TASOR2: variants seen among roughly 807,000 people sequenced by gnomAD.
TASOR2 encodes the protein transcription activation suppressor family member 2.
Under a neutral mutation model 199.5 loss-of-function variants are expected in TASOR2, and 84 were observed. The observed-to-expected ratio is 0.42, with a 90% CI of 0.35 to 0.50. The LOEUF (loss-of-function observed/expected upper bound fraction) is 0.50, where lower values mean the gene tolerates loss of function less well. Ranked by LOEUF, TASOR2 falls within the 20% of genes least tolerant of loss-of-function variation. The pLI, the probability that TASOR2 is intolerant of heterozygous loss-of-function variation, is 0.02. For synonymous variants in TASOR2, 1,103 were observed against 1,046.6 expected (o/e 1.05, Z -1.04); for missense variants, 2,796 against 2,835.9 (o/e 0.99, Z 0.32).
chr10:5,718,121 A>G (rs1046142309), intron 3 of TASOR2, among the ~76,000 whole-genome samples: 1 of 152,146 alleles, frequency 6.6e-6, no homozygotes, highest in Non-Finnish European at 1.5e-5. Context: ...GGTCAATAGA[A>G]TCTTTATTTT....
chr10:5,756,821 A>C, intron 16 of TASOR2, 83 bp downstream of exon 17: 1 of 1,438,304 alleles, frequency 7.0e-7, no homozygotes, highest in East Asian at 2.4e-5. Flanking sequence ...CTCTTTTTTT[A>C]TGTAGAAGAG....
At chr10:5,757,921 G>A (rs967356524) in intron 17 of TASOR2, among the ~76,000 whole-genome samples, 5 of 151,962 alleles carry the variant, frequency 3.3e-5, no homozygotes, top group Admixed American at 1.3e-4. Flanking sequence ...TCTCGGTAGT[G>A]CAGCTAAGCT....
At chr10:5,746,069 C>G (rs1837148270) in intron 14 of TASOR2, 110 bp from the exon 16 acceptor site, 1 of 1,248,516 alleles carries the variant, frequency 8.0e-7, no homozygotes, top group South Asian at 1.9e-5. Flanking sequence ...GAAGAACATT[C>G]ACAAACTAAA....
At chr10:5,696,020 G>T (rs969544188) in intron 1 of TASOR2, among the ~76,000 whole-genome samples, 3 of 152,158 alleles carry the variant, frequency 2.0e-5, no homozygotes, top group Non-Finnish European at 4.4e-5. Context: ...CTTGACGGAA[G>T]ACTGAAGGTT....
At chr10:5,711,306 C>A (rs1288933362) in intron 1 of TASOR2, among the ~76,000 whole-genome samples, 2 of 152,034 alleles carry the variant, frequency 1.3e-5, no homozygotes, top group Non-Finnish European at 2.9e-5. Context: ...TGGTTACTTA[C>A]AAGTTAGTTT....
At position 5,739,555 on chromosome 10, in the gene TASOR2, A is replaced by G. The variant is rs1294441674; in HGVS notation, c.1448-63A>G. 3.1e-5 allele frequency: 45 copies of G among 1,454,942 alleles called. 1 individual carries two copies. Among genetic ancestry groups the G allele is most frequent in the South Asian group, 4.0e-5 (3 of 75,002 alleles). The allele number at this position is 1,454,942 out of a possible 1,614,324, so 90.1% of individuals were successfully genotyped here. A position where few individuals can be genotyped will look rare whatever the true frequency, so the allele number is the denominator to read the frequency against. On this transcript the variant is annotated intron_variant, in intron 12 of 20. Coordinates refer to ENST00000328090, the Ensembl canonical transcript of TASOR2. ...ATGTTGAATTAACCATCATAGTAAT[A>G]TGGCAGAGAGTTAATTCTATGACAA... is the stretch of plus-strand genomic sequence containing the variant.
chr10:5,749,126 TAAAG>T lies in TASOR2; in HGVS notation c.5712_5715del (p.Glu1905ArgfsTer25). On this transcript the variant is annotated frameshift_variant, in exon 15 of 21. Coordinates refer to ENST00000328090, the Ensembl canonical transcript of TASOR2. LOFTEE classifies it high-confidence loss of function. ...CCTCCCGGGCACTGGACTGCTGCGG[TAAAG>T]AAAGAAGAGAAGTGTGTGCCGCCTT... 6.2e-7 allele frequency: 1 copy of T among 1,613,570 alleles called. No individual in the cohort carries two copies. Among genetic ancestry groups the T allele is most frequent in the Non-Finnish European group, 8.5e-7 (1 of 1,179,924 alleles).
chr10:5,719,242 C>G lies in TASOR2; in HGVS notation c.-99-1302C>G, dbSNP rs2131567042. ...CCATTTTGATATAAGTTAATAACAT[C>G]TTGTGAACATTGTCTTATGTCATTG... is the stretch of plus-strand genomic sequence containing the variant. On this transcript the variant is annotated intron_variant, in intron 3 of 20. Coordinates refer to ENST00000328090, the Ensembl canonical transcript of TASOR2. The surrounding 1 kb of genome is among the most constrained non-coding windows in gnomAD (Gnocchi z 4.1). 6.6e-6 allele frequency among the ~76,000 whole-genome samples: 1 copy of G among 152,248 alleles called. No homozygotes were observed. Among genetic ancestry groups the G allele is most frequent in the African/African-American group, 2.4e-5 (1 of 41,544 alleles).
At chr10:5,708,560 TTTTCTTTC>T (rs202195166) in intron 1 of TASOR2, among the ~76,000 whole-genome samples, 1 of 150,320 alleles carries the variant, frequency 6.7e-6, no homozygotes, top group Admixed American at 6.6e-5. Context: ...CTTTCTTTCT[TTTTCTTTC>T]TTTCTCTCCT....
At chr10:5,726,843 T>G in intron 8 of TASOR2, 42 bp from the exon 10 acceptor site, 1 of 1,541,824 alleles carries the variant, frequency 6.5e-7, no homozygotes, top group Non-Finnish European at 9.0e-7. Context: ...AGAGAGGGAT[T>G]GCAGAATATT....
chr10:5,756,592 G>A, intron 15 of TASOR2, 21 bp from the exon 17 acceptor site: 1 of 1,601,950 alleles, frequency 6.2e-7, no homozygotes, highest in Admixed American at 1.7e-5. Flanking sequence ...TTTTAATAAT[G>A]GCTATTTGTA....
Position 5,730,264 on chromosome 10 carries a change from C to G in TASOR2, c.488-223C>G, listed in dbSNP as rs1834627198. On this transcript the variant is annotated intron_variant, in intron 10 of 20. Coordinates refer to ENST00000328090, the Ensembl canonical transcript of TASOR2. The surrounding 1 kb of genome is among the most constrained non-coding windows in gnomAD (Gnocchi z 4.1). Reference sequence around the variant, plus strand: ...CCTAGTGATTGCATGTCAGATGATTCTTTTTCAGTTCAGTGTGTGTGTGTA... The same window carrying G: ...CCTAGTGATTGCATGTCAGATGATTGTTTTTCAGTTCAGTGTGTGTGTGTA... 6.6e-6 allele frequency among the ~76,000 whole-genome samples: 1 copy of G among 152,066 alleles called. No homozygotes were observed. The highest frequency in any genetic ancestry group is 6.5e-5 in the Admixed American group (1 of 15,268).
rs1230493226 is a variant in TASOR2, at chr10:5,752,706, A to G, written c.6606+2679A>G. 1.3e-5 allele frequency among the ~76,000 whole-genome samples: 2 copies of G among 152,224 alleles called. No individual in the cohort carries two copies. The highest frequency in any genetic ancestry group is 2.9e-5 in the Non-Finnish European group (2 of 68,032). On this transcript the variant is annotated intron_variant, in intron 15 of 20. Transcript: ENST00000328090. The surrounding 1 kb of genome is among the most constrained non-coding windows in gnomAD (Gnocchi z 4.4). ...GCCACTGCAGAAACCACAGAGCTGC[A>G]TAAAGATTTCTTGGTCTGCCCTGCT... is the stretch of plus-strand genomic sequence containing the variant.
intron 1 of TASOR2, chr10:5,709,791 TA>T: frequency 1.2e-6 from 1 of 819,436 alleles, no homozygotes; most frequent in South Asian, 6.6e-5. Context: ...TTCCAGTACC[TA>T]TATTTTTTAA....
chr10:5,735,639 C>T (rs1190280385), intron 12 of TASOR2, 93 bp downstream of exon 13: 2 of 1,417,448 alleles, frequency 1.4e-6, no homozygotes, highest in East Asian at 2.4e-5. Flanking sequence ...AGAGCAGTTG[C>T]AATGTCCCAA....
chr10:5,739,914 C>T (rs1836157452), exon 13 of TASOR2: 1 of 1,614,078 alleles, frequency 6.2e-7, no homozygotes, highest in Non-Finnish European at 8.5e-7. Context: ...TACATCTGAC[C>T]ATGAATATCA....
At chr10:5,688,280 A>G (rs1468626056) in intron 1 of TASOR2, among the ~76,000 whole-genome samples, 1 of 152,082 alleles carries the variant, frequency 6.6e-6, no homozygotes, top group Non-Finnish European at 1.5e-5. Flanking sequence ...GCTAGAGTGC[A>G]GTGATGTGAT....
At chr10:5,736,360 G>A (rs1835585001) in intron 12 of TASOR2, among the ~76,000 whole-genome samples, 1 of 152,056 alleles carries the variant, frequency 6.6e-6, no homozygotes, top group South Asian at 2.1e-4. Context: ...AGAGGTTGTG[G>A]TGAGCCGAGA....
At position 5,710,917 on chromosome 10, in the gene TASOR2, A is replaced by C. The variant is rs1418636219; in HGVS notation, c.-287-1906A>C. Among the ~76,000 whole-genome samples the C allele has an allele frequency of 6.6e-6, 1 of 152,120 alleles. No homozygotes were observed. Among genetic ancestry groups the C allele is most frequent in the African/African-American group, 2.4e-5 (1 of 41,446 alleles). On this transcript the variant is annotated intron_variant, in intron 1 of 20. Transcript: ENST00000328090. This position sits in a 1 kb window ranked among gnomAD's most constrained non-coding sequence, Gnocchi z 4.6. ...CAGATTATTTGTAAAATGAATTTGA[A>C]AATGCTCAGGTTTGCCAGTTTGTTT...
Sources: gnomAD v4.1 joint callset for allele counts (sites outside exome capture counted in the v4.1 genomes callset) on GRCh38, gnomAD v4.1.1 for gene constraint, Gnocchi (gnomAD v3.1) non-coding constraint, MANE v1.5 for transcripts, NCBI Gene and HGNC (gene_info 2026-07-23, HGNC 2026-07-21) for gene names.